CD200: variants seen among roughly 807,000 people sequenced by gnomAD.
CD200 encodes OX-2 membrane glycoprotein.
In CD200, 15 loss-of-function variants were observed where a neutral mutation model predicts 30.9. The observed-to-expected ratio is 0.49, with a 90% CI of 0.32 to 0.75. CD200 has a LOEUF of 0.75. CD200 is among the 30% of genes least tolerant of loss of function. The pLI, the probability that CD200 is intolerant of heterozygous loss-of-function variation, is 0.03. For missense variants in CD200, 262 were observed against 324.2 expected, an observed-to-expected ratio of 0.81 and a Z score of 1.47; for synonymous variants, 134 against 126.2, an observed-to-expected ratio of 1.06 and a Z score of -0.41.
rs200570259 is a variant in CD200 at position 112,345,124 on chromosome 3, T to C, written c.257T>C (p.Ile86Thr). The stretch of plus-strand genomic sequence containing the variant: ...TTCAGCGAGAACCATGGGGTGGTGA[T>C]CCAGCCTGCCTATAAGGACAAGATA... Reference protein sequence around the residue: ...VTFSENHGVVIQPAYKDKINI... With the variant: ...VTFSENHGVVTQPAYKDKINI... Residue 86 changes from isoleucine (I) to threonine (T), a missense_variant, in exon 3 of 6, where the codon ATC becomes ACC. By Grantham distance (89) the Ile-to-Thr change is moderately conservative. Transcript: ENST00000315711. 4,874 of 1,614,022 alleles carry C rather than the reference T, an allele frequency of 3.0e-3. 8 individuals carry two copies. The highest frequency in any genetic ancestry group is 3.7e-3 in the Non-Finnish European group (4,316 of 1,179,978).
At chr3:112,360,328 A>AAAATAAAAAT (rs201392321) in intron 5 of CD200, among the ~76,000 whole-genome samples, 3 of 135,498 alleles carry the variant, frequency 2.2e-5, no homozygotes, top group Non-Finnish European at 1.6e-5. Context: ...ACTTCATCTA[A>AAAATAAAAAT]AAAAAATATA....
chr3:112,342,309 T>TTCCTTC (rs2081258768), intron 2 of CD200, among the ~76,000 whole-genome samples: 3 of 72,492 alleles, frequency 4.1e-5, no homozygotes, highest in Non-Finnish European at 8.2e-5. Flanking sequence ...TTCCTTCCTT[T>TTCCTTC]CTTCTTTCTT....
intron 5 of CD200, among the ~76,000 whole-genome samples, chr3:112,354,137 C>A (rs960050839): frequency 6.6e-6 from 1 of 152,154 alleles, no homozygotes; most frequent in East Asian, 1.9e-4. Flanking sequence ...TTCTCTCTAA[C>A]ATCTAAACCC....
chr3:112,344,026 A>G (rs952881397), intron 2 of CD200, among the ~76,000 whole-genome samples: 3 of 152,084 alleles, frequency 2.0e-5, no homozygotes, highest in African/African-American at 4.8e-5. Flanking sequence ...AGTAGCATCT[A>G]TTTTGCTAAG....
intron 2 of CD200, among the ~76,000 whole-genome samples, chr3:112,343,734 C>T (rs532541337): frequency 1.3e-4 from 20 of 151,972 alleles, no homozygotes; most frequent in Admixed American, 2.0e-4. Context: ...TTATATATTT[C>T]GGAGTTATGT....
At chr3:112,343,384 T>C (rs1252198253) in intron 2 of CD200, among the ~76,000 whole-genome samples, 1 of 152,114 alleles carries the variant, frequency 6.6e-6, no homozygotes, top group Non-Finnish European at 1.5e-5. Context: ...GCTCACTGCA[T>C]CCTTGAACTC....
At chr3:112,360,171 T>C (rs1185286206) in intron 5 of CD200, among the ~76,000 whole-genome samples, 2 of 151,798 alleles carry the variant, frequency 1.3e-5, no homozygotes, top group Non-Finnish European at 2.9e-5. Flanking sequence ...CTACTGAAAA[T>C]ATGAAAATTA....
In CD200 at chr3:112,362,785, T is replaced by C. The variant is rs1433441727; in HGVS notation, c.*1235T>C. On this transcript the variant is annotated 3_prime_UTR_variant, in exon 6 of 6. Transcript: ENST00000315711. Reference sequence around the variant, plus strand: ...TGTTTCTTATATTTGTAGTAAAATATTGAACAATTAAAAGTGTTGACTCCA... The same window carrying C: ...TGTTTCTTATATTTGTAGTAAAATACTGAACAATTAAAAGTGTTGACTCCA... 3.3e-5 allele frequency: 5 copies of C among 152,582 alleles called. No individual in the cohort carries two copies. Among genetic ancestry groups the C allele is most frequent in the Non-Finnish European group, 7.3e-5 (5 of 68,034 alleles). 9.5% of individuals were successfully genotyped at this position (152,582 alleles called of 1,614,324 possible).
rs2272022 is a variant in CD200, at chr3:112,345,003, C to A, written c.136C>A (p.Pro46Thr). ...GGATGAAAGAGAGCAGCTGTACACA[C>A]CTGCTTCCTTAAAATGCTCTCTGCA... The part of the protein sequence containing the change: ...TQDEREQLYT[P>T]ASLKCSLQNA... Residue 46 changes from proline to threonine, a missense_variant, in exon 3 of 6, where the codon CCT becomes ACT. By Grantham distance (38) the Pro-to-Thr change is conservative (BLOSUM62 -1). Coordinates refer to ENST00000315711, the MANE Select transcript of CD200 (RefSeq NM_005944.7). 541,104 of 1,613,182 alleles carry A rather than the reference C, an allele frequency of 0.34. 96,109 individuals are homozygous for A. The highest frequency in any genetic ancestry group is 0.37 in the Non-Finnish European group (438,736 of 1,179,282).
chr3:112,351,872 C>T (rs1397688018), intron 5 of CD200, among the ~76,000 whole-genome samples: 1 of 152,144 alleles, frequency 6.6e-6, no homozygotes, highest in Non-Finnish European at 1.5e-5. Context: ...CCAGTGTGTG[C>T]AGAGATCAGA....
intron 1 of CD200, among the ~76,000 whole-genome samples, chr3:112,335,389 G>A (rs77302616): frequency 0.04 from 6,058 of 152,294 alleles, 176 homozygotes; most frequent in Non-Finnish European, 0.062. Flanking sequence ...GGAAGGGATA[G>A]CATGCTTATG....
chr3:112,342,345 CTTTCTTTCT>C (rs1559783265), intron 2 of CD200, among the ~76,000 whole-genome samples: 687 of 11,590 alleles, frequency 0.059, 97 homozygotes, highest in African/African-American at 0.079. Context: ...TTCCTTCTTT[CTTTCTTTCT>C]TTCTTTCTTT....
At chr3:112,337,321 G>A (rs1212542523) in intron 1 of CD200, among the ~76,000 whole-genome samples, 1 of 152,152 alleles carries the variant, frequency 6.6e-6, no homozygotes, top group East Asian at 1.9e-4. Flanking sequence ...ATGGCAAGAT[G>A]ACTGTAATCA....
At chr3:112,348,108 G>T (rs771851665) in intron 4 of CD200, among the ~76,000 whole-genome samples, 1 of 152,220 alleles carries the variant, frequency 6.6e-6, no homozygotes, top group Non-Finnish European at 1.5e-5. Context: ...AATTAGGTCT[G>T]TTCTGGGCCA....
In CD200 at chr3:112,347,763, G is replaced by A. The variant is rs1456641170; in HGVS notation, c.627G>A (p.Gly209=). Residue 209 remains glycine (G), a synonymous_variant, in exon 4 of 6, where the codon GGG becomes GGA. Transcript: ENST00000315711. ...TCAAAGACCCTAAGAATCAGGTGGG[G>A]AAGGAGGTGATCTGCCAGGTGCTGC... The part of the protein sequence containing the change: ...LHIKDPKNQV[G]KEVICQVLHL... 3 of 1,613,936 alleles carry A rather than the reference G, an allele frequency of 1.9e-6. No homozygotes were observed. The South Asian group carries it at 3.3e-5, about 18-fold the overall frequency.
intron 2 of CD200, among the ~76,000 whole-genome samples, chr3:112,342,336 T>C (rs1444662440): frequency 1.4e-4 from 3 of 22,176 alleles, no homozygotes; most frequent in African/African-American, 4.1e-4. Flanking sequence ...TTTCTTTCTT[T>C]CCTTCTTTCT....
Position 112,347,709 on chromosome 3 carries a change from GACCACGTCTGTT to G in CD200, c.578_589del (p.Thr193_Thr196del). ...CAGTGACTCTGTCTCACCCAAATGG[GACCACGTCTGTT>G]ACCAGCATCCTCCATATCAAAGACC... On this transcript the variant is annotated inframe_deletion, in exon 4 of 6. Transcript: ENST00000315711. 1 of 1,613,998 alleles carries G rather than the reference GACCACGTCTGTT, an allele frequency of 6.2e-7. No homozygotes were observed. The highest frequency in any genetic ancestry group is 8.5e-7 in the Non-Finnish European group (1 of 1,179,950).
chr3:112,338,494 A>G (rs1559780204), intron 1 of CD200, among the ~76,000 whole-genome samples: 1 of 152,186 alleles, frequency 6.6e-6, no homozygotes. Context: ...AGAATGGTGA[A>G]GTGGAGCTTG....
At chr3:112,350,644 T>C (rs955951419) in intron 5 of CD200, among the ~76,000 whole-genome samples, 2 of 152,222 alleles carry the variant, frequency 1.3e-5, no homozygotes, top group African/African-American at 4.8e-5. Context: ...TTTTGTGTAA[T>C]GGAAATTTGC....
Sources: gnomAD v4.1 joint callset for allele counts (sites outside exome capture counted in the v4.1 genomes callset) on GRCh38, gnomAD v4.1.1 for gene constraint, MANE v1.5 for transcripts, NCBI Gene and HGNC (gene_info 2026-07-23, HGNC 2026-07-21) for gene names.